Variants in LAMA2 observed in about 807,000 individuals in gnomAD.
LAMA2 encodes laminin subunit alpha 2.
A neutral mutation model predicts 364.8 loss-of-function variants in LAMA2; 269 were observed. The observed-to-expected ratio is 0.74, with a 90% CI of 0.67 to 0.82. LAMA2 has a LOEUF of 0.82. Among genes scored for constraint, LAMA2 ranks in the 40% least tolerant of loss-of-function variants. LAMA2 has a pLI of 0.00. For missense variants in LAMA2, 3,807 were observed against 3,873.2 expected, an observed-to-expected ratio of 0.98 and a Z score of 0.45; for synonymous variants, 1,379 against 1,370.6, an observed-to-expected ratio of 1.01 and a Z score of -0.14.
intron 64 of LAMA2, 48 bp from the exon 65 acceptor site, chr6:129,516,142 T>C (rs1217359879): frequency 1.9e-6 from 3 of 1,598,670 alleles, no homozygotes; most frequent in Admixed American, 1.7e-5. Flanking sequence ...TCTTAATATT[T>C]GGTGCAGGAC....
chr6:129,124,100 A>T (rs1444253027), intron 4 of LAMA2, among the ~76,000 whole-genome samples: 11 of 152,194 alleles, frequency 7.2e-5, no homozygotes, highest in Admixed American at 5.9e-4. Context: ...CCTATTTTTT[A>T]AAATTATTAC....
chr6:129,332,456 A>G (rs960872042), intron 29 of LAMA2, among the ~76,000 whole-genome samples: 1 of 152,084 alleles, frequency 6.6e-6, no homozygotes, highest in Non-Finnish European at 1.5e-5. Flanking sequence ...AATTAACTAG[A>G]TGCTCTTACA....
rs794727687 is a variant in LAMA2 at position 129,456,443 on chromosome 6, T to C, written c.6816T>C (p.Asp2272=). Residue 2272 remains aspartate (D), a synonymous_variant, in exon 48 of 65, where the codon GAT becomes GAC. Transcript: ENST00000421865. ...CTCCTCCAGGGTACACGATTCTAGA[T>C]GTGGATGCAAATGCAATGCTGTTTG... The part of the protein sequence containing the change: ...STSPPGYTIL[D]VDANAMLFVG... 4 of 1,613,560 alleles carry C rather than the reference T, an allele frequency of 2.5e-6. No individual in the cohort carries two copies. Among genetic ancestry groups the C allele is most frequent in the Non-Finnish European group, 3.4e-6 (4 of 1,179,614 alleles).
chr6:129,120,994 G>C (rs1251752484), intron 4 of LAMA2, among the ~76,000 whole-genome samples: 1 of 152,130 alleles, frequency 6.6e-6, no homozygotes, highest in Non-Finnish European at 1.5e-5. Flanking sequence ...TTTTCAAGGA[G>C]CCTGTGAATG....
intron 61 of LAMA2, 102 bp from the exon 62 acceptor site, chr6:129,507,386 TG>T: frequency 1.6e-6 from 2 of 1,238,832 alleles, no homozygotes; most frequent in Non-Finnish European, 2.4e-6. Flanking sequence ...CTAAGACAAC[TG>T]GATAACTACA....
At chr6:128,998,089 T>G in intron 1 of LAMA2, among the ~76,000 whole-genome samples, 1 of 150,800 alleles carries the variant, frequency 6.6e-6, no homozygotes, top group African/African-American at 2.4e-5. Context: ...GCCATGGGAG[T>G]GGGTGCCTGA....
intron 9 of LAMA2, among the ~76,000 whole-genome samples, chr6:129,176,731 T>A (rs552132264): frequency 5.3e-5 from 8 of 152,280 alleles, no homozygotes; most frequent in African/African-American, 1.9e-4. Flanking sequence ...CACAACTTTT[T>A]TTTCTTTTCC....
chr6:128,977,932 C>T (rs1307095529), intron 1 of LAMA2, among the ~76,000 whole-genome samples: 1 of 152,100 alleles, frequency 6.6e-6, no homozygotes, highest in Non-Finnish European at 1.5e-5. Flanking sequence ...TTAACTGACT[C>T]CAAAATATAT....
intron 1 of LAMA2, among the ~76,000 whole-genome samples, chr6:128,908,130 C>T (rs1228050708): frequency 1.3e-4 from 19 of 150,868 alleles, no homozygotes; most frequent in Admixed American, 3.3e-4. Flanking sequence ...GCTTTGGTAT[C>T]AGAATGATGC....
intron 28 of LAMA2, among the ~76,000 whole-genome samples, chr6:129,324,838 C>T (rs2114523453): frequency 6.6e-6 from 1 of 152,248 alleles, no homozygotes; most frequent in South Asian, 2.1e-4. Flanking sequence ...CTATCATTGA[C>T]CAAAATGTCA....
At chr6:129,225,282 C>A (rs548190297) in intron 12 of LAMA2, among the ~76,000 whole-genome samples, 2 of 152,284 alleles carry the variant, frequency 1.3e-5, no homozygotes, top group East Asian at 3.9e-4. Flanking sequence ...TTCAAAAAAT[C>A]ATCTCCTGGA....
chr6:129,342,075 A>G (rs1296593169), intron 29 of LAMA2, among the ~76,000 whole-genome samples: 1 of 152,208 alleles, frequency 6.6e-6, no homozygotes, highest in East Asian at 1.9e-4. Flanking sequence ...TTACATAGAG[A>G]TTGATTCAGG....
chr6:129,481,446 T>C lies in LAMA2; in HGVS notation c.7749+7T>C, dbSNP rs2114839772. On this transcript the variant is annotated splice_region_variant and intron_variant, in intron 55 of 64. Transcript: ENST00000421865. The stretch of plus-strand genomic sequence containing the variant: ...ACGAAGGCAGACTGGACAGGTACCC[T>C]CACACCTAGCTGATAATGCATTTTC... The C allele has an allele frequency of 6.2e-7, 1 of 1,609,712 alleles. No individual in the cohort carries two copies. Among genetic ancestry groups the C allele is most frequent in the Non-Finnish European group, 8.5e-7 (1 of 1,176,038 alleles).
intron 12 of LAMA2, among the ~76,000 whole-genome samples, chr6:129,201,742 A>G (rs1782302849): frequency 6.6e-6 from 1 of 152,222 alleles, no homozygotes; most frequent in South Asian, 2.1e-4. Flanking sequence ...AAAAACTACC[A>G]GGTACATAAA....
intron 45 of LAMA2, among the ~76,000 whole-genome samples, chr6:129,448,017 G>A (rs965500994): frequency 2.0e-5 from 3 of 152,176 alleles, no homozygotes; most frequent in African/African-American, 7.2e-5. Flanking sequence ...GCTGGGCATG[G>A]TGGCTCAAGC....
chr6:129,392,764 C>T (rs1779389794), intron 36 of LAMA2, among the ~76,000 whole-genome samples: 1 of 152,188 alleles, frequency 6.6e-6, no homozygotes, highest in Admixed American at 6.5e-5. Flanking sequence ...AAACTCATTT[C>T]ATCAATCAGA....
At chr6:129,272,959 A>G (rs1788048075) in intron 17 of LAMA2, among the ~76,000 whole-genome samples, 2 of 152,128 alleles carry the variant, frequency 1.3e-5, no homozygotes, top group African/African-American at 2.4e-5. Context: ...CCTGGTGCCA[A>G]AAATTTTGGG....
At chr6:128,897,602 AGG>A (rs1776849338) in intron 1 of LAMA2, among the ~76,000 whole-genome samples, 1 of 152,262 alleles carries the variant, frequency 6.6e-6, no homozygotes, top group Non-Finnish European at 1.5e-5. Flanking sequence ...TAATTGGCTC[AGG>A]GTATCCCCAA....
At chr6:129,152,623 A>G (rs935473169) in intron 7 of LAMA2, among the ~76,000 whole-genome samples, 1 of 152,212 alleles carries the variant, frequency 6.6e-6, no homozygotes, top group Non-Finnish European at 1.5e-5. Context: ...GTATGAGACA[A>G]GTACTAAAGT....
Sources: gnomAD v4.1 joint callset for allele counts (sites outside exome capture counted in the v4.1 genomes callset) on GRCh38, gnomAD v4.1.1 for gene constraint, MANE v1.5 for transcripts, NCBI Gene and HGNC (gene_info 2026-07-23, HGNC 2026-07-21) for gene names.